DNAH14: variants seen among roughly 807,000 people sequenced by gnomAD.
The protein encoded by DNAH14 is dynein axonemal heavy chain 14.
In DNAH14, 478 loss-of-function variants were observed where a neutral mutation model predicts 520.9. That is an observed-to-expected ratio of 0.92 (90% CI 0.85 to 0.99). DNAH14 has a LOEUF of 0.99. DNAH14 is among the 50% of genes least tolerant of loss of function. The pLI, the probability that DNAH14 is intolerant of heterozygous loss-of-function variation, is 0.00. For synonymous variants in DNAH14, 1,581 were observed against 1,757.2 expected (o/e 0.90, Z 2.51); for missense variants, 4,831 against 5,234.5 (o/e 0.92, Z 2.38).
intron 64 of DNAH14, among the ~76,000 whole-genome samples, chr1:225,326,203 A>G (rs2094664206): frequency 6.6e-6 from 1 of 152,234 alleles, no homozygotes; most frequent in African/African-American, 2.4e-5. Flanking sequence ...ACTAAATTTT[A>G]AAGATTTAGT....
intron 21 of DNAH14, among the ~76,000 whole-genome samples, chr1:225,093,841 A>G (rs2074638798): frequency 6.6e-6 from 1 of 152,146 alleles, no homozygotes; most frequent in South Asian, 2.1e-4. Flanking sequence ...CACCAACAAC[A>G]TCCAACCTGA....
At chr1:225,388,880 A>G (rs536141590) in intron 82 of DNAH14, among the ~76,000 whole-genome samples, 1 of 152,108 alleles carries the variant, frequency 6.6e-6, no homozygotes, top group South Asian at 2.1e-4. Context: ...GGGTTCAAGC[A>G]ATTCTCCTGC....
At chr1:225,056,976 C>T (rs1304362743) in intron 17 of DNAH14, among the ~76,000 whole-genome samples, 2 of 152,106 alleles carry the variant, frequency 1.3e-5, no homozygotes, top group Non-Finnish European at 2.9e-5. Flanking sequence ...ATGTGTCCAG[C>T]TTTGTTCTTT....
At chr1:225,135,854 A>G (rs536042468) in intron 27 of DNAH14, among the ~76,000 whole-genome samples, 1 of 149,012 alleles carries the variant, frequency 6.7e-6, no homozygotes, top group South Asian at 2.1e-4. Context: ...TTTTGGGTGC[A>G]TATATATTTA....
Position 225,340,454 on chromosome 1 carries a change from C to T in DNAH14, c.10434-3C>T. 1 of 1,526,822 alleles carries T rather than the reference C, an allele frequency of 6.5e-7. No individual in the cohort carries two copies. The highest frequency in any genetic ancestry group is 2.0e-5 in the Admixed American group (1 of 49,958). The allele number at this position is 1,526,822 out of a possible 1,614,324, so 94.6% of individuals were successfully genotyped here. A position where few individuals can be genotyped will look rare whatever the true frequency, so the allele number is the denominator to read the frequency against. On this transcript the variant is annotated splice_polypyrimidine_tract_variant and splice_region_variant and intron_variant, in intron 68 of 85. Transcript: ENST00000682510. ...GAATAACTGGTGCCTTTCTCATGTTCAGGTTATACTTATCTACAGAAATAG... is the reference window on the plus strand; with the variant it reads ...GAATAACTGGTGCCTTTCTCATGTTTAGGTTATACTTATCTACAGAAATAG...
intron 8 of DNAH14, 67 bp from the exon 9 acceptor site, chr1:225,002,716 T>TTA: frequency 7.0e-7 from 1 of 1,424,428 alleles, no homozygotes; most frequent in Non-Finnish European, 9.6e-7. Flanking sequence ...ACCACACTAC[T>TTA]TACCTCTAAA....
At position 225,322,797 on chromosome 1, in the gene DNAH14, C is replaced by T. The variant is rs928131960; in HGVS notation, c.9469C>T (p.Leu3157Phe). 1 of 1,551,758 alleles carries T rather than the reference C, an allele frequency of 6.4e-7. No individual in the cohort carries two copies. Among genetic ancestry groups the T allele is most frequent in the Non-Finnish European group, 8.7e-7 (1 of 1,146,890 alleles). ...ETGFLKKLIN[L>F]DKDSIPDKVF... ...TGGTTTCCTGAAAAAATTGATTAAC[C>T]TTGACAAGGACAGCATACCTGATAA... Residue 3157 changes from leucine (L) to phenylalanine (F), a missense_variant, in exon 62 of 86, where the codon CTT (leucine) becomes TTT (phenylalanine). Leu to Phe is a conservative substitution (Grantham distance 22). Transcript: ENST00000682510.
At chr1:225,143,810 G>A (rs2079666997) in intron 28 of DNAH14, among the ~76,000 whole-genome samples, 1 of 152,120 alleles carries the variant, frequency 6.6e-6, no homozygotes, top group Admixed American at 6.5e-5. Context: ...AATTGAGTTA[G>A]CACTAACTGG....
intron 36 of DNAH14, among the ~76,000 whole-genome samples, chr1:225,180,802 A>G (rs1169278505): frequency 2.6e-5 from 4 of 152,208 alleles, no homozygotes; most frequent in African/African-American, 9.7e-5. Flanking sequence ...TCTGCTATTA[A>G]GACCCTCTAA....
intron 41 of DNAH14, among the ~76,000 whole-genome samples, chr1:225,213,318 A>T (rs969190767): frequency 2.6e-5 from 4 of 152,140 alleles, no homozygotes; most frequent in African/African-American, 9.7e-5. Context: ...GTAGCCTTGT[A>T]GTACAGTTTG....
chr1:225,302,119 A>G (rs566117599), intron 56 of DNAH14, among the ~76,000 whole-genome samples: 1 of 148,288 alleles, frequency 6.7e-6, no homozygotes, highest in African/African-American at 2.4e-5. Flanking sequence ...TATATATAAT[A>G]TATATTATAT....
At chr1:225,311,720 G>C (rs892660703) in intron 60 of DNAH14, among the ~76,000 whole-genome samples, 1 of 152,098 alleles carries the variant, frequency 6.6e-6, no homozygotes, top group Non-Finnish European at 1.5e-5. Flanking sequence ...CCCCATTGCT[G>C]GTTGTGTCCA....
chr1:225,004,992 A>C (rs1364093066), intron 9 of DNAH14, among the ~76,000 whole-genome samples: 1 of 152,164 alleles, frequency 6.6e-6, no homozygotes, highest in Non-Finnish European at 1.5e-5. Context: ...TCAAATCTTC[A>C]CTTTCAAGTG....
At chr1:225,118,189 A>C in intron 25 of DNAH14, 190 bp downstream of exon 25, 1 of 612,522 alleles carries the variant, frequency 1.6e-6, no homozygotes, top group Non-Finnish European at 2.9e-6. Context: ...GCTCTAATTA[A>C]AAGTTGAGAA....
intron 72 of DNAH14, among the ~76,000 whole-genome samples, chr1:225,352,594 T>G (rs1363388687): frequency 6.6e-6 from 1 of 152,166 alleles, no homozygotes; most frequent in Non-Finnish European, 1.5e-5. Flanking sequence ...ACCAGCAATA[T>G]GAATGCCCAT....
chr1:225,079,485 C>A lies in DNAH14; in HGVS notation c.2703C>A (p.Phe901Leu). 6.5e-7 allele frequency: 1 copy of A among 1,541,560 alleles called. No homozygotes were observed. Among genetic ancestry groups the A allele is most frequent in the Non-Finnish European group, 8.7e-7 (1 of 1,144,860 alleles). The change falls in exon 18 of 86, where the codon TTC becomes TTA. Residue 901 changes from phenylalanine (F) to leucine (L), a missense_variant. By Grantham distance (22) the Phe-to-Leu change is conservative (BLOSUM62 0). Coordinates refer to ENST00000682510, the MANE Select transcript of DNAH14 (RefSeq NM_001367479.1). Reference protein sequence around the residue: ...KINKDTAITKFRDNLEACISG... With the variant: ...KINKDTAITKLRDNLEACISG... ...ATAAAGACACTGCTATAACTAAATTCAGAGATAACTTGGAAGCATGTATCA... is the reference window on the plus strand; with the variant it reads ...ATAAAGACACTGCTATAACTAAATTAAGAGATAACTTGGAAGCATGTATCA...
chr1:224,968,465 C>G (rs1195600885), intron 6 of DNAH14, among the ~76,000 whole-genome samples: 1 of 152,060 alleles, frequency 6.6e-6, no homozygotes, highest in Non-Finnish European at 1.5e-5. Context: ...TTATGAGACT[C>G]AAATCTGAAC....
chr1:225,347,890 G>A (rs12134319), intron 71 of DNAH14, among the ~76,000 whole-genome samples: 90,682 of 151,950 alleles, frequency 0.6, 28,165 homozygotes, highest in East Asian at 0.76. Context: ...CAGATCTATG[G>A]GCTGCCTGAC....
At chr1:225,092,885 C>G (rs1176714899) in intron 21 of DNAH14, among the ~76,000 whole-genome samples, 2 of 152,108 alleles carry the variant, frequency 1.3e-5, no homozygotes, top group African/African-American at 4.8e-5. Context: ...TCAGAGACTA[C>G]TATGAACACC....
Sources: allele counts gnomAD v4.1 joint callset (sites outside exome capture counted in the v4.1 genomes callset), GRCh38; gene constraint gnomAD v4.1.1; transcripts MANE v1.5; gene names NCBI Gene and HGNC (gene_info 2026-07-23, HGNC 2026-07-21).